TMEM132C: variants seen among roughly 807,000 people sequenced by gnomAD.
TMEM132C encodes the protein protein phosphatase 1, regulatory subunit 152.
TMEM132C carries 29 observed loss-of-function variants against 61.4 expected under a neutral mutation model. The ratio of observed to expected loss-of-function variants is 0.47; its 90% CI spans 0.35 to 0.64. The LOEUF is 0.64. Among genes scored for constraint, TMEM132C ranks in the 30% least tolerant of loss-of-function variants. The pLI, the probability that TMEM132C is intolerant of heterozygous loss-of-function variation, is 0.00. For missense variants in TMEM132C, 1,408 were observed against 1,476.9 expected (o/e 0.95, Z 0.76); for synonymous variants, 656 against 633.1 (o/e 1.04, Z -0.54).
At chr12:128,569,845 A>T (rs185653530) in intron 3 of TMEM132C, among the ~76,000 whole-genome samples, 2 of 152,348 alleles carry the variant, frequency 1.3e-5, no homozygotes, top group East Asian at 1.9e-4. Context: ...TAGAGCCCTG[A>T]TCGCATTCCA....
chr12:128,560,573 AC>A (rs1235541470), intron 3 of TMEM132C, among the ~76,000 whole-genome samples: 1 of 152,140 alleles, frequency 6.6e-6, no homozygotes, highest in African/African-American at 2.4e-5. Context: ...CATGGTGATC[AC>A]CTGCTTCATC....
At chr12:128,323,482 C>T (rs1048982903) in intron 1 of TMEM132C, among the ~76,000 whole-genome samples, 2 of 152,198 alleles carry the variant, frequency 1.3e-5, no homozygotes, top group South Asian at 2.1e-4. Flanking sequence ...TAGCCTTGCT[C>T]GTTGGGGGAC....
intron 2 of TMEM132C, among the ~76,000 whole-genome samples, chr12:128,443,176 C>T (rs1869857421): frequency 6.6e-6 from 1 of 151,400 alleles, no homozygotes; most frequent in Non-Finnish European, 1.5e-5. Context: ...GAAGCAAAAG[C>T]AAAACATTTA....
chr12:128,566,100 G>C (rs1290044696), intron 3 of TMEM132C, among the ~76,000 whole-genome samples: 8 of 150,518 alleles, frequency 5.3e-5, no homozygotes, highest in African/African-American at 2.0e-4. Context: ...ATGATGGCCA[G>C]GCTGGTCCTG....
intron 4 of TMEM132C, among the ~76,000 whole-genome samples, chr12:128,620,197 A>G: frequency 7.0e-6 from 1 of 143,018 alleles, no homozygotes; most frequent in African/African-American, 2.7e-5. Context: ...GTGCCACTGC[A>G]TTCCCAGCCC....
At chr12:128,272,921 G>A (rs1230779050) in intron 1 of TMEM132C, among the ~76,000 whole-genome samples, 4 of 152,138 alleles carry the variant, frequency 2.6e-5, no homozygotes, top group Non-Finnish European at 5.9e-5. Flanking sequence ...TGTCAGATAA[G>A]TGTTTTAAGA....
chr12:128,381,941 C>T (rs983527087), intron 1 of TMEM132C, among the ~76,000 whole-genome samples: 13 of 152,110 alleles, frequency 8.5e-5, no homozygotes, highest in Admixed American at 3.3e-4. Flanking sequence ...GAAACCGTCT[C>T]GGATACACTC....
chr12:128,656,308 C>T (rs1321793897), intron 4 of TMEM132C, among the ~76,000 whole-genome samples: 1 of 152,196 alleles, frequency 6.6e-6, no homozygotes, highest in East Asian at 1.9e-4. Flanking sequence ...ACCTCGGCCT[C>T]CCAAAGTGCT....
At chr12:128,673,482 A>C (rs2135633774) in intron 5 of TMEM132C, among the ~76,000 whole-genome samples, 1 of 152,380 alleles carries the variant, frequency 6.6e-6, no homozygotes, top group East Asian at 1.9e-4. Context: ...GACTTAAGAC[A>C]GGCAGGAAGC....
intron 3 of TMEM132C, 116 bp from the exon 4 acceptor site, chr12:128,616,036 C>T: frequency 7.6e-7 from 1 of 1,313,358 alleles, no homozygotes; most frequent in African/African-American, 1.5e-5. Context: ...CCACCAAAAC[C>T]CTGGAGCCAT....
chr12:128,369,891 G>A (rs978025880), intron 1 of TMEM132C, among the ~76,000 whole-genome samples: 1 of 152,218 alleles, frequency 6.6e-6, no homozygotes, highest in African/African-American at 2.4e-5. Flanking sequence ...GCCTAAATTA[G>A]TATATGCATC....
At chr12:128,313,767 G>A (rs368088552) in intron 1 of TMEM132C, among the ~76,000 whole-genome samples, 7 of 152,190 alleles carry the variant, frequency 4.6e-5, no homozygotes, top group Non-Finnish European at 1.0e-4. Flanking sequence ...GAGGATTTCT[G>A]CTCCATGAGG....
intron 1 of TMEM132C, among the ~76,000 whole-genome samples, chr12:128,297,281 G>A (rs1377631279): frequency 6.6e-6 from 1 of 152,216 alleles, no homozygotes; most frequent in African/African-American, 2.4e-5. Context: ...ACACCATGCA[G>A]AAGTTGGGCT....
intron 2 of TMEM132C, among the ~76,000 whole-genome samples, chr12:128,453,543 C>T (rs188008964): frequency 1.3e-5 from 2 of 152,048 alleles, no homozygotes; most frequent in East Asian, 3.9e-4. Context: ...TGAGCCAGCC[C>T]AGAATCAAGG....
intron 4 of TMEM132C, among the ~76,000 whole-genome samples, chr12:128,623,809 A>G (rs1240736836): frequency 1.3e-5 from 2 of 149,982 alleles, no homozygotes; most frequent in African/African-American, 2.5e-5. Context: ...TTCTGTCTCA[A>G]AAAAAAAAAT....
chr12:128,313,227 T>C (rs1872034803), intron 1 of TMEM132C, among the ~76,000 whole-genome samples: 1 of 152,230 alleles, frequency 6.6e-6, no homozygotes, highest in African/African-American at 2.4e-5. Flanking sequence ...TCAGAGCAGA[T>C]GTTTTAATCT....
chr12:128,393,635 A>G (rs1874841647), intron 1 of TMEM132C, among the ~76,000 whole-genome samples: 1 of 152,108 alleles, frequency 6.6e-6, no homozygotes, highest in South Asian at 2.1e-4. Flanking sequence ...GAAGGAAAGG[A>G]GTTTTGTGTT....
At position 128,328,569 on chromosome 12, in the gene TMEM132C, A is replaced by T. The variant is rs1208074866; in HGVS notation, c.85+61082A>T. ...TTTGGGAGGCTGAGGTGGGTAGATC[A>T]CGAGGTCAGGAGTTTGAGACCAGCC... On this transcript the variant is annotated intron_variant, in intron 1 of 8. Coordinates refer to ENST00000435159, the MANE Select transcript of TMEM132C (RefSeq NM_001136103.3). Among the ~76,000 whole-genome samples the T allele has an allele frequency of 2.0e-5, 3 of 152,104 alleles. No homozygotes were observed. In the East Asian group the frequency reaches 5.8e-4, roughly 30 times the overall value.
intron 2 of TMEM132C, among the ~76,000 whole-genome samples, chr12:128,514,578 G>A (rs942592739): frequency 6.6e-5 from 10 of 152,178 alleles, no homozygotes; most frequent in Non-Finnish European, 1.5e-4. Context: ...CCAAAGTTCT[G>A]ATTTGACCCC....
Sources: allele counts gnomAD v4.1 joint callset (sites outside exome capture counted in the v4.1 genomes callset), GRCh38; gene constraint gnomAD v4.1.1; transcripts MANE v1.5; gene names NCBI Gene and HGNC (gene_info 2026-07-23, HGNC 2026-07-21).